Variants in TEC observed in about 807,000 individuals in gnomAD.
TEC encodes tec protein tyrosine kinase.
Under a neutral mutation model 93.0 loss-of-function variants are expected in TEC, and 72 were observed. That is an observed-to-expected ratio of 0.77 (90% confidence interval 0.64 to 0.94). The LOEUF (loss-of-function observed/expected upper bound fraction) is 0.94. TEC is among the 40% of genes least tolerant of loss of function. TEC has a pLI of 0.00. For missense variants in TEC, 630 were observed against 757.9 expected (o/e 0.83, Z 1.98); for synonymous variants, 249 against 247.7 (o/e 1.01, Z -0.05).
At chr4:48,184,997 T>C (rs1157811883) in intron 2 of TEC, among the ~76,000 whole-genome samples, 1 of 151,904 alleles carries the variant, frequency 6.6e-6, no homozygotes, top group Non-Finnish European at 1.5e-5. Flanking sequence ...GACTGCTGTG[T>C]CCTTTTACCA....
At chr4:48,151,125 C>A (rs1720147650) in intron 9 of TEC, among the ~76,000 whole-genome samples, 183 bp from the exon 10 acceptor site, 1 of 152,126 alleles carries the variant, frequency 6.6e-6, no homozygotes, top group Non-Finnish European at 1.5e-5. Context: ...TGACTTTGTA[C>A]TTCAAATTAC....
At chr4:48,153,220 CAA>C (rs530426762) in intron 9 of TEC, among the ~76,000 whole-genome samples, 5 of 133,018 alleles carry the variant, frequency 3.8e-5, no homozygotes, top group African/African-American at 5.4e-5. Flanking sequence ...AACTTCAAGC[CAA>C]AAAAAAAAAA....
chr4:48,156,756 T>C (rs773748022), intron 8 of TEC, 22 bp from the exon 9 acceptor site: 10 of 1,586,410 alleles, frequency 6.3e-6, no homozygotes, highest in Non-Finnish European at 6.8e-6. Flanking sequence ...AAACAATACA[T>C]TTCAGGCCTC....
At chr4:48,203,622 G>A (rs1303780876) in intron 2 of TEC, among the ~76,000 whole-genome samples, 1 of 152,198 alleles carries the variant, frequency 6.6e-6, no homozygotes, top group Non-Finnish European at 1.5e-5. Context: ...TGATGTATAA[G>A]TGAGTCTGAG....
chr4:48,145,578 C>G lies in TEC; in HGVS notation c.1083G>C (p.Glu361Asp). ...NAPTTAGFSY[E>D]KWEINPSELT... ...GTTCTGAAGGGTTAATCTCCCATTT[C>G]TCTGCAGGACAGAAAGTGAAAGTGT... The change falls in exon 13 of 18, where the codon GAG (glutamate) becomes GAC (aspartate). Residue 361 changes from glutamate (E) to aspartate (D), a missense_variant and splice_region_variant. Around this residue, in one of 3 missense-constraint regions of TEC, gnomAD observed 289 missense variants for 390.0 expected, o/e 0.74. Transcript: ENST00000381501. 1 of 1,613,886 alleles carries G rather than the reference C, an allele frequency of 6.2e-7. No individual in the cohort carries two copies. The highest frequency in any genetic ancestry group is 8.5e-7 in the Non-Finnish European group (1 of 1,179,918).
intron 2 of TEC, among the ~76,000 whole-genome samples, chr4:48,205,995 T>C (rs1722702185): frequency 6.6e-6 from 1 of 152,112 alleles, no homozygotes; most frequent in South Asian, 2.1e-4. Context: ...AATGGAGCCA[T>C]GAAAAGGAAC....
intron 4 of TEC, among the ~76,000 whole-genome samples, chr4:48,171,012 C>T (rs916601636): frequency 2.6e-5 from 4 of 152,114 alleles, no homozygotes; most frequent in Admixed American, 2.6e-4. Context: ...GATCACACCA[C>T]TGCACTCCAG....
At chr4:48,237,959 A>G (rs1723829259) in intron 1 of TEC, among the ~76,000 whole-genome samples, 1 of 152,256 alleles carries the variant, frequency 6.6e-6, no homozygotes, top group African/African-American at 2.4e-5. Flanking sequence ...CAACAGTATC[A>G]GGTTATATTT....
chr4:48,239,155 T>C (rs1723863377), intron 1 of TEC, among the ~76,000 whole-genome samples: 1 of 152,154 alleles, frequency 6.6e-6, no homozygotes, highest in African/African-American at 2.4e-5. Flanking sequence ...CTCTTTCAAA[T>C]TGTGCTGACA....
intron 2 of TEC, among the ~76,000 whole-genome samples, chr4:48,216,063 A>G (rs762512243): frequency 6.6e-5 from 10 of 152,104 alleles, no homozygotes; most frequent in Non-Finnish European, 1.3e-4. Flanking sequence ...TCTTGTAATT[A>G]TTTGCTTTAT....
rs1719872359 is a variant in TEC, at chr4:48,145,548, G to C, written c.1113C>G (p.Thr371=). Residue 371 remains threonine (T), a synonymous_variant, in exon 13 of 18, where the codon ACC becomes ACG. Coordinates refer to ENST00000381501, the MANE Select transcript of TEC (RefSeq NM_003215.3). ...EKWEINPSEL[T]FMRELGSGLF... The stretch of plus-strand genomic sequence containing the variant: ...GTCCACTTCCCAATTCCCTCATAAA[G>C]GTCAGTTCTGAAGGGTTAATCTCCC... The C allele has an allele frequency of 1.2e-6, 2 of 1,613,958 alleles. No individual in the cohort carries two copies. Among genetic ancestry groups the C allele is most frequent in the Non-Finnish European group, 1.7e-6 (2 of 1,180,004 alleles).
chr4:48,255,365 C>A (rs1488958637), intron 1 of TEC, among the ~76,000 whole-genome samples: 1 of 152,170 alleles, frequency 6.6e-6, no homozygotes, highest in Non-Finnish European at 1.5e-5. Context: ...CAGACTGGAT[C>A]ACATGCTAAC....
intron 1 of TEC, among the ~76,000 whole-genome samples, chr4:48,248,328 G>T (rs1307744730): frequency 6.6e-6 from 1 of 152,174 alleles, no homozygotes; most frequent in Non-Finnish European, 1.5e-5. Flanking sequence ...TAAGCTATCA[G>T]CCAGGGCACA....
intron 1 of TEC, among the ~76,000 whole-genome samples, chr4:48,241,978 C>T (rs996251867): frequency 6.6e-6 from 1 of 152,158 alleles, no homozygotes; most frequent in Non-Finnish European, 1.5e-5. Context: ...CAAAGATGAA[C>T]AAGAAATGAT....
intron 2 of TEC, among the ~76,000 whole-genome samples, chr4:48,208,570 A>G (rs1383627915): frequency 6.6e-6 from 1 of 151,400 alleles, no homozygotes; most frequent in Non-Finnish European, 1.5e-5. Flanking sequence ...GCAATAAAGC[A>G]TTTCCCACCT....
At chr4:48,211,338 T>C (rs1312445464) in intron 2 of TEC, among the ~76,000 whole-genome samples, 1 of 152,230 alleles carries the variant, frequency 6.6e-6, no homozygotes, top group African/African-American at 2.4e-5. Flanking sequence ...TTCCTGCAGA[T>C]ATTTTCATCA....
At chr4:48,186,269 T>C (rs919337651) in intron 2 of TEC, among the ~76,000 whole-genome samples, 1 of 151,808 alleles carries the variant, frequency 6.6e-6, no homozygotes, top group African/African-American at 2.4e-5. Context: ...AGCCTCTGCC[T>C]GGCCGCCACC....
At chr4:48,168,350 C>T (rs574046513) in intron 6 of TEC, among the ~76,000 whole-genome samples, 89 of 152,216 alleles carry the variant, frequency 5.8e-4, no homozygotes, top group African/African-American at 2.1e-3. Flanking sequence ...AGGCAAAATG[C>T]CAGATGATAA....
At chr4:48,181,720 A>C (rs983029819) in intron 2 of TEC, among the ~76,000 whole-genome samples, 4 of 151,894 alleles carry the variant, frequency 2.6e-5, no homozygotes, top group African/African-American at 7.3e-5. Context: ...TGGAAGGGAT[A>C]AAGGATTCAC....
Sources: allele counts gnomAD v4.1 joint callset (sites outside exome capture counted in the v4.1 genomes callset), GRCh38; gene constraint gnomAD v4.1.1; regional missense constraint gnomAD v4.1.1; transcripts MANE v1.5; gene names NCBI Gene and HGNC (gene_info 2026-07-23, HGNC 2026-07-21).